Variants in SAMD4A observed in about 807,000 individuals in gnomAD.
The protein encoded by SAMD4A is sterile alpha motif domain containing 4A.
Under a neutral mutation model 81.3 loss-of-function variants are expected in SAMD4A, and 33 were observed. The observed-to-expected ratio is 0.41, with a 90% CI of 0.31 to 0.54. The LOEUF (loss-of-function observed/expected upper bound fraction) is 0.54, where lower values mean the gene tolerates loss of function less well. Among genes scored for constraint, SAMD4A ranks in the 20% least tolerant of loss-of-function variants. The pLI is 0.37. For synonymous variants in SAMD4A, 389 were observed against 382.1 expected (o/e 1.02, Z -0.21); for missense variants, 854 against 951.1 (o/e 0.90, Z 1.34).
chr14:54,732,851 A>G (rs530962952), intron 3 of SAMD4A, among the ~76,000 whole-genome samples: 4 of 152,322 alleles, frequency 2.6e-5, no homozygotes, highest in South Asian at 2.1e-4. Flanking sequence ...AAAGGTAGTT[A>G]TAGTTAATTT....
At chr14:54,735,006 A>G (rs1247884612) in intron 3 of SAMD4A, 1 of 152,260 alleles carries the variant, frequency 6.6e-6, no homozygotes, top group South Asian at 2.1e-4. Flanking sequence ...GGCAGGCACC[A>G]GTCAAAGCAT....
chr14:54,792,571 T>G lies in SAMD4A; in HGVS notation c.*3627T>G, dbSNP rs996421221. ...AGCAGGCCTGGCCTCATTGGTCCCCTGGAGATGTCTGTAGCAGTCAGCTCC... is the reference window on the plus strand; with the variant it reads ...AGCAGGCCTGGCCTCATTGGTCCCCGGGAGATGTCTGTAGCAGTCAGCTCC... On this transcript the variant is annotated 3_prime_UTR_variant, in exon 13 of 13. Coordinates refer to ENST00000554335, the MANE Select transcript of SAMD4A (RefSeq NM_015589.6). 3.3e-5 allele frequency: 5 copies of G among 152,176 alleles called. No homozygotes were observed. Among genetic ancestry groups the G allele is most frequent in the African/African-American group, 9.7e-5 (4 of 41,432 alleles). The allele number at this position is 152,176 out of a possible 1,614,324, so 9.4% of individuals were successfully genotyped here. A position where few individuals can be genotyped will look rare whatever the true frequency, so the allele number is the denominator to read the frequency against.
At chr14:54,768,365 TTTCA>T (rs1458047160) in intron 8 of SAMD4A, among the ~76,000 whole-genome samples, 5 of 152,240 alleles carry the variant, frequency 3.3e-5, no homozygotes, top group Admixed American at 3.3e-4. Context: ...TCATGTGTTA[TTTCA>T]TTCTCACAAC....
intron 3 of SAMD4A, among the ~76,000 whole-genome samples, chr14:54,715,617 G>A (rs2037099342): frequency 6.6e-6 from 1 of 152,082 alleles, no homozygotes; most frequent in Admixed American, 6.6e-5. Flanking sequence ...TTATCATCCT[G>A]CTCTTTGAAG....
At chr14:54,596,500 G>A (rs368499127) in intron 2 of SAMD4A, among the ~76,000 whole-genome samples, 5 of 152,280 alleles carry the variant, frequency 3.3e-5, no homozygotes, top group South Asian at 4.1e-4. Context: ...CAGGGGAATC[G>A]CTTGAACCTG....
At position 54,737,249 on chromosome 14, in the gene SAMD4A, C is replaced by T. The variant is rs748556377; in HGVS notation, c.941C>T (p.Ala314Val). The T allele has an allele frequency of 6.2e-7, 1 of 1,614,108 alleles. No individual in the cohort carries two copies. The highest frequency in any genetic ancestry group is 1.1e-5 in the South Asian group (1 of 91,074). ...GSEHLEDQTT[A>V]RNTFQEEGSG... ...GAACACTTAGAAGATCAGACCACTG[C>T]TCGTAACACATTCCAAGAAGAAGGT... Residue 314 changes from alanine to valine, a missense_variant, in exon 4 of 13, where the codon GCT becomes GTT. This residue lies in a region of SAMD4A where 387 missense variants were observed against 405.8 expected (regional missense o/e 0.95). Coordinates refer to ENST00000554335, the MANE Select transcript of SAMD4A (RefSeq NM_015589.6).
At chr14:54,583,413 G>A (rs2033529955) in intron 2 of SAMD4A, among the ~76,000 whole-genome samples, 1 of 152,140 alleles carries the variant, frequency 6.6e-6, no homozygotes, top group South Asian at 2.1e-4. Flanking sequence ...AAGCAGCAGG[G>A]TGGCCTGTAG....
intron 2 of SAMD4A, chr14:54,688,358 TCTCCTC>T: frequency 1.0e-6 from 1 of 985,450 alleles, no homozygotes; most frequent in African/African-American, 1.7e-5. Flanking sequence ...TCATCTCAAC[TCTCCTC>T]CTTGGAGCAG....
chr14:54,752,934 G>A (rs78161301), intron 6 of SAMD4A, among the ~76,000 whole-genome samples: 2 of 152,234 alleles, frequency 1.3e-5, no homozygotes, highest in Middle Eastern at 3.2e-3. Flanking sequence ...CCAGATTTAT[G>A]TTTCTCTCCA....
intron 4 of SAMD4A, among the ~76,000 whole-genome samples, chr14:54,745,115 G>T (rs7143004): frequency 0.64 from 97,665 of 152,028 alleles, 32,668 homozygotes; most frequent in Non-Finnish European, 0.74. Flanking sequence ...CTTAAGTTCA[G>T]GTCCTGGCCT....
At chr14:54,677,821 T>C (rs2036024696) in intron 2 of SAMD4A, among the ~76,000 whole-genome samples, 1 of 152,210 alleles carries the variant, frequency 6.6e-6, no homozygotes, top group African/African-American at 2.4e-5. Flanking sequence ...ATGTTGGAAT[T>C]GTTTGGTTAA....
chr14:54,624,840 G>A (rs982035013), intron 2 of SAMD4A, among the ~76,000 whole-genome samples: 6 of 152,006 alleles, frequency 3.9e-5, no homozygotes, highest in African/African-American at 1.5e-4. Context: ...GATACAGCAC[G>A]GATATACAGT....
chr14:54,662,950 T>C (rs1261419023), intron 2 of SAMD4A, among the ~76,000 whole-genome samples: 1 of 152,206 alleles, frequency 6.6e-6, no homozygotes, highest in East Asian at 1.9e-4. Context: ...AAACCAAAGG[T>C]CACAGACTCT....
At chr14:54,681,786 A>T (rs1340765613) in intron 2 of SAMD4A, 1 of 985,102 alleles carries the variant, frequency 1.0e-6, no homozygotes, top group Non-Finnish European at 1.2e-6. Flanking sequence ...CAAATGAAAA[A>T]TATGCAGGGA....
At chr14:54,755,240 A>G (rs1594900302) in intron 6 of SAMD4A, among the ~76,000 whole-genome samples, 1 of 152,200 alleles carries the variant, frequency 6.6e-6, no homozygotes, top group East Asian at 1.9e-4. Context: ...ATTTGGGGAC[A>G]GAAAAGATAG....
intron 2 of SAMD4A, among the ~76,000 whole-genome samples, chr14:54,679,608 T>C (rs1318564531): frequency 6.6e-6 from 1 of 152,182 alleles, no homozygotes; most frequent in African/African-American, 2.4e-5. Context: ...ATTATCCCAG[T>C]ACTAAGTCTT....
intron 2 of SAMD4A, among the ~76,000 whole-genome samples, chr14:54,648,005 A>G (rs1163281128): frequency 2.0e-5 from 3 of 152,268 alleles, no homozygotes; most frequent in East Asian, 3.8e-4. Context: ...CACCAGCCAC[A>G]TGTGGCCCTT....
intron 2 of SAMD4A, among the ~76,000 whole-genome samples, chr14:54,699,438 A>G (rs2036657717): frequency 1.3e-5 from 2 of 152,308 alleles, no homozygotes; most frequent in South Asian, 4.1e-4. Flanking sequence ...GAATGTCTCC[A>G]GCCCTGTGCT....
At chr14:54,582,039 A>C (rs2033483448) in intron 2 of SAMD4A, among the ~76,000 whole-genome samples, 2 of 152,216 alleles carry the variant, frequency 1.3e-5, no homozygotes, top group Admixed American at 1.3e-4. Context: ...GAGCTGTGTT[A>C]GCACATTTTG....
Sources: gnomAD v4.1 joint callset for allele counts (sites outside exome capture counted in the v4.1 genomes callset) on GRCh38, gnomAD v4.1.1 for gene constraint, gnomAD v4.1.1 regional missense constraint, MANE v1.5 for transcripts, NCBI Gene and HGNC (gene_info 2026-07-23, HGNC 2026-07-21) for gene names.